NBPF9: variants seen among roughly 807,000 people sequenced by gnomAD.
The protein encoded by NBPF9 is NBPF family member NBPF9.
NBPF9 carries 91 observed loss-of-function variants against 97.8 expected under a neutral mutation model. That is an observed-to-expected ratio of 0.93 (90% CI 0.79 to 1.11). The LOEUF (loss-of-function observed/expected upper bound fraction) is 1.11. Among genes scored for constraint, NBPF9 ranks in the 50% least tolerant of loss-of-function variants. The pLI is 0.00. For missense variants in NBPF9, 992 were observed against 939.5 expected (o/e 1.06, Z -0.73); for synonymous variants, 334 against 359.5 (o/e 0.93, Z 0.80).
In NBPF9 at chr1:149,073,022, T is replaced by G. The variant is rs1184748862; in HGVS notation, c.1092-90A>C. 251 of 1,426,704 alleles carry G rather than the reference T, an allele frequency of 1.8e-4. 7 individuals carry two copies. Among genetic ancestry groups the G allele is most frequent in the Non-Finnish European group, 2.3e-4 (230 of 1,011,160 alleles). 88.4% of individuals were successfully genotyped at this position (1,426,704 alleles called of 1,614,324 possible). A position where few individuals can be genotyped will look rare whatever the true frequency, so the allele number is the denominator to read the frequency against. On this transcript the variant is annotated intron_variant, in intron 13 of 29. Coordinates refer to ENST00000584027, the Ensembl canonical transcript of NBPF9. ...AACAGAGATTTCTGAAACAGTGTCC[T>G]CAAGGAGACCTCGAAGCAGAAGGTC...
At chr1:149,089,278 T>C (rs1286951908) in intron 5 of NBPF9, among the ~76,000 whole-genome samples, 3 of 151,974 alleles carry the variant, frequency 2.0e-5, no homozygotes, top group Non-Finnish European at 4.4e-5. Context: ...TGGGTCTTCC[T>C]TGATGGGAGC....
At chr1:149,075,624 A>T (rs1553654098) in intron 12 of NBPF9, 31 bp downstream of exon 12, 1 of 1,599,096 alleles carries the variant, frequency 6.3e-7, no homozygotes, top group East Asian at 2.2e-5. Flanking sequence ...GTCGTTCATC[A>T]CTTTCGTGAT....
At chr1:149,068,176 C>T (rs1446403354) in intron 17 of NBPF9, among the ~76,000 whole-genome samples, 1 of 149,138 alleles carries the variant, frequency 6.7e-6, no homozygotes, top group Non-Finnish European at 1.5e-5. Context: ...AAAAACATGC[C>T]AAACTCTAAA....
In NBPF9 at chr1:149,094,131, A is replaced by G. The variant is rs1258252892; in HGVS notation, c.-336-3237T>C. 1.2e-3 allele frequency among the ~76,000 whole-genome samples: 181 copies of G among 152,278 alleles called. 1 individual carries two copies. Among genetic ancestry groups the G allele is most frequent in the Non-Finnish European group, 1.0e-3 (69 of 68,042 alleles). ...GCCCAAGGAAAAGAGAAATAACTCCATCTCCAAAAGAAAAGATAAAATAAA... is the reference window on the plus strand; with the variant it reads ...GCCCAAGGAAAAGAGAAATAACTCCGTCTCCAAAAGAAAAGATAAAATAAA... On this transcript the variant is annotated intron_variant, in intron 4 of 29. Transcript: ENST00000584027.
intron 20 of NBPF9, 83 bp downstream of exon 20, chr1:149,063,550 C>G: frequency 2.9e-6 from 2 of 695,964 alleles, no homozygotes; most frequent in Non-Finnish European, 5.1e-6. Flanking sequence ...TCTCTCAGCT[C>G]AGTAACGGCC....
chr1:149,075,634 T>C (rs373375162), intron 12 of NBPF9, 21 bp downstream of exon 12: 17 of 1,604,604 alleles, frequency 1.1e-5, no homozygotes, highest in Non-Finnish European at 1.4e-5. Context: ...ACTTTCGTGA[T>C]GGTGAGCCTA....
At chr1:149,074,058 A>G (rs4125378) in intron 12 of NBPF9, among the ~76,000 whole-genome samples, 188 bp from the exon 13 acceptor site, 9 of 150,882 alleles carry the variant, frequency 6.0e-5, no homozygotes, top group South Asian at 4.2e-4. Context: ...CCAAAATTTA[A>G]AGACGAAGAA....
rs67607610 is a variant in NBPF9, at chr1:149,063,993, G to GACACACAC, written c.1854-196_1854-189dup. On this transcript the variant is annotated intron_variant, in intron 19 of 29. Transcript: ENST00000584027. ...CAGGTAGAAAAGGATGAAAGAGAAA[G>GACACACAC]ACACACACACACACACAGACACAGA... is the stretch of plus-strand genomic sequence containing the variant. 5.2e-4 allele frequency among the ~76,000 whole-genome samples: 56 copies of GACACACAC among 107,040 alleles called. 6 individuals carry two copies. In the South Asian group the frequency reaches 0.012, roughly 23 times the overall value. The allele number at this position is 107,040 out of a possible 152,430, so 70.2% of individuals were successfully genotyped here. A position where few individuals can be genotyped will look rare whatever the true frequency, so the allele number is the denominator to read the frequency against.
chr1:149,079,259 G>A (rs782558360), intron 8 of NBPF9, 38 bp from the exon 9 acceptor site: 2 of 1,071,950 alleles, frequency 1.9e-6, no homozygotes, highest in Non-Finnish European at 2.9e-6. Flanking sequence ...AGAGTAGAAA[G>A]GGTTGAGTGA....
At position 149,098,520 on chromosome 1, in the gene NBPF9, G is replaced by A. The variant is rs1350276035; in HGVS notation, c.-419C>T. 5 of 1,508,798 alleles carry A rather than the reference G, an allele frequency of 3.3e-6. No homozygotes were observed. In the African/African-American group the frequency reaches 5.6e-5, roughly 17 times the overall value. The allele number at this position is 1,508,798 out of a possible 1,614,324, so 93.5% of individuals were successfully genotyped here. ...ACCGAATGGGGAAGTTTCTACATCA[G>A]TACCTCGGAGAGTCCACTGGAAGCC... On this transcript the variant is annotated 5_prime_UTR_variant, in exon 4 of 30. Coordinates refer to ENST00000584027, the Ensembl canonical transcript of NBPF9.
At chr1:149,087,753 G>GTT (rs2081126874) in intron 5 of NBPF9, among the ~76,000 whole-genome samples, 1 of 144,600 alleles carries the variant, frequency 6.9e-6, no homozygotes, top group Non-Finnish European at 1.5e-5. Flanking sequence ...CACTAATTTA[G>GTT]TTCTTTCATA....
chr1:149,094,103 C>T (rs1481832258), intron 4 of NBPF9, among the ~76,000 whole-genome samples: 33 of 152,078 alleles, frequency 2.2e-4, no homozygotes, highest in East Asian at 7.8e-4. Context: ...CCGTTGCATT[C>T]GAGCCCAAGG....
intron 21 of NBPF9, 103 bp from the exon 22 acceptor site, chr1:149,062,368 A>G: frequency 1.5e-6 from 1 of 651,824 alleles, no homozygotes. Flanking sequence ...TAAAAAGAAA[A>G]AGGACAGATC....
At chr1:149,099,182 G>A (rs1364999733) in intron 3 of NBPF9, among the ~76,000 whole-genome samples, 5 of 152,168 alleles carry the variant, frequency 3.3e-5, no homozygotes, top group Non-Finnish European at 5.9e-5. Context: ...AGAGTGTGTG[G>A]GTGTAGTTAA....
intron 18 of NBPF9, chr1:149,064,969 C>A (rs1553651335): frequency 1.9e-6 from 1 of 534,032 alleles, no homozygotes; most frequent in East Asian, 3.8e-5. Context: ...GGTGAAAAGT[C>A]AGCCATTTAT....
At position 149,061,029 on chromosome 1, in the gene NBPF9, C is replaced by A. The variant is rs1331326861; in HGVS notation, c.2303+303G>T. ...TAGTGCCCTCAGGACACACAGCATA[C>A]AGGGATCATGAAAAGACTGAGCTCA... On this transcript the variant is annotated intron_variant, in intron 23 of 29. Transcript: ENST00000584027. 5.0e-5 allele frequency: 21 copies of A among 417,950 alleles called. 6 individuals are homozygous for A. Among genetic ancestry groups the A allele is most frequent in the Non-Finnish European group, 9.2e-5 (21 of 227,620 alleles). 25.9% of individuals were successfully genotyped at this position (417,950 alleles called of 1,614,324 possible).
In NBPF9 at chr1:149,060,351, C is replaced by T; in HGVS notation, c.2476+172G>A. On this transcript the variant is annotated intron_variant, in intron 24 of 29. Transcript: ENST00000584027. ...AGAGAGTCTTGCCCACTGACCCATCCCTCATCTGGGCTTCCAGGTAGAACT... is the reference window on the plus strand; with the variant it reads ...AGAGAGTCTTGCCCACTGACCCATCTCTCATCTGGGCTTCCAGGTAGAACT... The T allele has an allele frequency of 4.2e-6, 2 of 475,084 alleles. 1 individual carries two copies. Among genetic ancestry groups the T allele is most frequent in the African/African-American group, 4.9e-5 (2 of 40,456 alleles). 29.4% of individuals were successfully genotyped at this position (475,084 alleles called of 1,614,324 possible). A position where few individuals can be genotyped will look rare whatever the true frequency, so the allele number is the denominator to read the frequency against.
chr1:149,093,506 A>G (rs1462790593), intron 4 of NBPF9, among the ~76,000 whole-genome samples: 1 of 148,978 alleles, frequency 6.7e-6, no homozygotes, highest in Non-Finnish European at 1.5e-5. Context: ...ATGGGGAGAA[A>G]CCTTGGACAA....
At chr1:149,055,732 A>G (rs2078168610) in exon 30 of NBPF9, 2 of 1,611,710 alleles carry the variant, frequency 1.2e-6, no homozygotes, top group African/African-American at 1.3e-5. Context: ...CCTATTGTCC[A>G]CGTAAAGGGC....
Sources: allele counts gnomAD v4.1 joint callset (sites outside exome capture counted in the v4.1 genomes callset), GRCh38; gene constraint gnomAD v4.1.1; transcripts MANE v1.5; gene names NCBI Gene and HGNC (gene_info 2026-07-23, HGNC 2026-07-21).